PRELID2: variants seen among roughly 807,000 people sequenced by gnomAD.
The protein encoded by PRELID2 is PRELI domain containing 2, also known as PRELI domain-containing protein 2.
Under a neutral mutation model 28.4 loss-of-function variants are expected in PRELID2, and 25 were observed. That is an observed-to-expected ratio of 0.88 (90% CI 0.64 to 1.23). PRELID2 has a LOEUF of 1.23. PRELID2 is among the 50% of genes most tolerant of loss of function. The probability of loss-of-function intolerance (pLI) is 0.00; values close to 1 mark genes in which losing one functional copy is unlikely to be tolerated. For missense variants in PRELID2, 201 were observed against 214.4 expected (o/e 0.94, Z 0.39); for synonymous variants, 76 against 71.6 (o/e 1.06, Z -0.31).
chr5:145,716,034 A>T (rs578010567), intron 1 of PRELID2, among the ~76,000 whole-genome samples: 2 of 152,094 alleles, frequency 1.3e-5, no homozygotes, highest in South Asian at 2.1e-4. Flanking sequence ...CTTTCTTAAA[A>T]CATTATGAGA....
At chr5:145,796,657 T>A in intron 4 of PRELID2, 110 bp from the exon 5 acceptor site, 1 of 531,968 alleles carries the variant, frequency 1.9e-6, no homozygotes, top group Non-Finnish European at 3.2e-6. Flanking sequence ...AAAAATAATA[T>A]CCTTAATAAT....
intron 6 of PRELID2, 28 bp downstream of exon 6, chr5:145,764,903 T>G: frequency 6.5e-7 from 1 of 1,541,116 alleles, no homozygotes. Context: ...CTTGTGTAAA[T>G]AATTCTGACT....
At chr5:145,538,066 T>A (rs1752716815) in intron 1 of PRELID2, among the ~76,000 whole-genome samples, 1 of 151,974 alleles carries the variant, frequency 6.6e-6, no homozygotes, top group Non-Finnish European at 1.5e-5. Context: ...GGATATCCAA[T>A]TTTCCCAGCA....
chr5:145,511,448 A>C (rs1287782605), intron 1 of PRELID2, among the ~76,000 whole-genome samples: 2 of 152,248 alleles, frequency 1.3e-5, no homozygotes, highest in African/African-American at 2.4e-5. Flanking sequence ...TTCGTGACTG[A>C]AAAGCTAATG....
intron 1 of PRELID2, among the ~76,000 whole-genome samples, chr5:145,581,662 T>A (rs938467539): frequency 1.3e-5 from 2 of 152,024 alleles, no homozygotes; most frequent in African/African-American, 4.8e-5. Context: ...TATTAATTAT[T>A]TGGCCTGCAT....
At chr5:145,641,866 A>T (rs918149611) in intron 1 of PRELID2, among the ~76,000 whole-genome samples, 102 of 152,346 alleles carry the variant, frequency 6.7e-4, no homozygotes, top group Non-Finnish European at 5.0e-4. Context: ...ATGGCTGCAT[A>T]GTATTCCATG....
At chr5:145,265,967 C>T in the PRELID2 span, among the ~76,000 whole-genome samples, 7 of 151,974 alleles carry the variant, frequency 4.6e-5, no homozygotes, top group Admixed American at 2.0e-4. Context: ...AGACAATAGA[C>T]GGGACTTAAA....
chr5:145,400,551 G>A, the PRELID2 span, among the ~76,000 whole-genome samples: 2 of 152,060 alleles, frequency 1.3e-5, no homozygotes, highest in African/African-American at 2.4e-5. Flanking sequence ...GAGAGAACAC[G>A]ATGTCGAATG....
At chr5:145,263,185 A>G in the PRELID2 span, among the ~76,000 whole-genome samples, 45 of 152,200 alleles carry the variant, frequency 3.0e-4, 1 homozygote, top group African/African-American at 1.0e-3. Flanking sequence ...AAAATTTATA[A>G]AACAATTACT....
chr5:145,610,096 G>A (rs1753589446), intron 1 of PRELID2, among the ~76,000 whole-genome samples: 1 of 152,210 alleles, frequency 6.6e-6, no homozygotes, highest in Admixed American at 6.5e-5. Flanking sequence ...GAAGTGCAGT[G>A]ATAGGGTGCA....
chr5:145,447,695 C>A, the PRELID2 span, among the ~76,000 whole-genome samples: 2 of 116,828 alleles, frequency 1.7e-5, no homozygotes, highest in African/African-American at 6.6e-5. Flanking sequence ...TTGTTCAATT[C>A]CCACCTATGA....
chr5:145,561,003 G>A (rs1752921083), intron 1 of PRELID2, among the ~76,000 whole-genome samples: 1 of 150,526 alleles, frequency 6.6e-6, no homozygotes, highest in Admixed American at 6.6e-5. Flanking sequence ...AAATAGGACT[G>A]TTTCACTTTT....
downstream of PRELID2, among the ~76,000 whole-genome samples, chr5:145,756,050 C>T (rs1363628756): frequency 3.3e-5 from 5 of 152,244 alleles, no homozygotes; most frequent in African/African-American, 1.2e-4. Context: ...AAACACCTGG[C>T]TTCATTCTGT....
the PRELID2 span, among the ~76,000 whole-genome samples, chr5:145,376,579 T>C: frequency 6.6e-6 from 1 of 152,162 alleles, no homozygotes; most frequent in Non-Finnish European, 1.5e-5. Context: ...GAGCTTGTTA[T>C]TGGTCTGTTT....
At chr5:145,582,611 G>A (rs1179921681) in intron 1 of PRELID2, among the ~76,000 whole-genome samples, 1 of 151,918 alleles carries the variant, frequency 6.6e-6, no homozygotes, top group African/African-American at 2.4e-5. Flanking sequence ...AAATAATGAG[G>A]ATATCACCAC....
At chr5:145,565,258 G>A (rs974709230) in intron 1 of PRELID2, among the ~76,000 whole-genome samples, 1 of 152,208 alleles carries the variant, frequency 6.6e-6, no homozygotes, top group Non-Finnish European at 1.5e-5. Context: ...GAAGGCAGGT[G>A]GCTACTGCTC....
intron 1 of PRELID2, among the ~76,000 whole-genome samples, chr5:145,587,438 T>C (rs1753168735): frequency 6.6e-6 from 1 of 152,154 alleles, no homozygotes; most frequent in Admixed American, 6.6e-5. Context: ...CTTTCTCCTC[T>C]TCATGCATCT....
the PRELID2 span, among the ~76,000 whole-genome samples, chr5:145,310,853 C>A: frequency 6.6e-6 from 1 of 151,906 alleles, no homozygotes; most frequent in African/African-American, 2.4e-5. Flanking sequence ...TTTCTTTCAT[C>A]TCCCTTTTTT....
chr5:145,573,131 A>G (rs1753029075), intron 1 of PRELID2, among the ~76,000 whole-genome samples: 1 of 152,166 alleles, frequency 6.6e-6, no homozygotes, highest in Admixed American at 6.5e-5. Flanking sequence ...TAATGAGAAT[A>G]GGGGCTGCCT....
Sources: gnomAD v4.1 joint callset for allele counts (sites outside exome capture counted in the v4.1 genomes callset) on GRCh38, gnomAD v4.1.1 for gene constraint, MANE v1.5 for transcripts, NCBI Gene and HGNC (gene_info 2026-07-23, HGNC 2026-07-21) for gene names.